Variants in UNC13B observed in about 807,000 individuals in gnomAD.
UNC13B encodes the protein unc-13 homolog B.
In UNC13B, 144 loss-of-function variants were observed where a neutral mutation model predicts 211.0. The observed-to-expected ratio is 0.68, with a 90% CI of 0.60 to 0.78. UNC13B has a LOEUF of 0.78. UNC13B is among the 30% of genes least tolerant of loss of function. The pLI is 0.00. For synonymous variants in UNC13B, 709 were observed against 725.8 expected (o/e 0.98, Z 0.37); for missense variants, 1,777 against 2,002.0 (o/e 0.89, Z 2.14).
chr9:35,402,302 G>A (rs1425798393), intron 37 of UNC13B, among the ~76,000 whole-genome samples: 1 of 138,092 alleles, frequency 7.2e-6, no homozygotes, highest in Non-Finnish European at 1.5e-5. Context: ...TTTTTTTTGA[G>A]ACGGAGTCTC....
intron 26 of UNC13B, among the ~76,000 whole-genome samples, chr9:35,393,425 A>G (rs1423184322): frequency 6.6e-6 from 1 of 152,124 alleles, no homozygotes; most frequent in African/African-American, 2.4e-5. Flanking sequence ...GAGAGCTGGC[A>G]TGCTTGGAGA....
chr9:35,295,743 C>T lies in UNC13B; in HGVS notation c.574C>T (p.Arg192Cys), dbSNP rs139333262. The T allele has an allele frequency of 8.1e-6, 13 of 1,614,154 alleles. No homozygotes were observed. The East Asian group carries it at 1.8e-4, about 22-fold the overall frequency. The stretch of plus-strand genomic sequence containing the variant: ...CGTCGATGACCGAGATAGTGACTAT[C>T]GCAGTGAGACCAGCAACAGCTTCCC... ...SAVDDRDSDY[R>C]SETSNSFPPP... The change falls in exon 8 of 40, where the codon CGC becomes TGC. Residue 192 changes from arginine (R) to cysteine (C), a missense_variant. Physicochemically the swap from Arg to Cys is radical, Grantham distance 180. Coordinates refer to ENST00000635942, the MANE Select transcript of UNC13B (RefSeq NM_001371189.2).
In UNC13B at chr9:35,381,553, C is replaced by A; in HGVS notation, c.10492-3C>A. On this transcript the variant is annotated splice_polypyrimidine_tract_variant and splice_region_variant and intron_variant, in intron 19 of 39. Transcript: ENST00000635942. ...TTCCCTTTCTCTGCTCTGTCTCCTG[C>A]AGAATCTTTTCCATTACCTCACAGA... 6.2e-7 allele frequency: 1 copy of A among 1,612,494 alleles called. No homozygotes were observed. Among genetic ancestry groups the A allele is most frequent in the South Asian group, 1.1e-5 (1 of 90,946 alleles).
At chr9:35,376,389 A>G (rs1016738651) in intron 15 of UNC13B, 142 bp downstream of exon 15, 1 of 867,350 alleles carries the variant, frequency 1.2e-6, no homozygotes, top group African/African-American at 1.7e-5. Context: ...CAGAGAAGGT[A>G]GGATTCTGAA....
intron 26 of UNC13B, among the ~76,000 whole-genome samples, chr9:35,392,464 C>A (rs1220001445): frequency 6.6e-6 from 1 of 151,992 alleles, no homozygotes; most frequent in African/African-American, 2.4e-5. Context: ...AACAGGACTT[C>A]GTGATTGTCA....
At chr9:35,376,332 A>G in intron 15 of UNC13B, 85 bp downstream of exon 15, 1 of 1,352,356 alleles carries the variant, frequency 7.4e-7, no homozygotes, top group Non-Finnish European at 1.0e-6. Flanking sequence ...GGGATGGCTG[A>G]ACCAATCATT....
At position 35,305,549 on chromosome 9, in the gene UNC13B, C is replaced by G. The variant is rs960620002; in HGVS notation, c.6145C>G (p.Gln2049Glu). The G allele has an allele frequency of 2.5e-6, 1 of 399,006 alleles. No individual in the cohort carries two copies. The highest frequency in any genetic ancestry group is 4.4e-6 in the Non-Finnish European group (1 of 226,020). 24.7% of individuals were successfully genotyped at this position (399,006 alleles called of 1,614,324 possible). The change falls in exon 9 of 40, where the codon CAG (glutamine) becomes GAG (glutamate). Residue 2049 changes from glutamine to glutamate, a missense_variant. Transcript: ENST00000635942. ...GGCTAGAGTTAGAAGACTGAACAAA[C>G]AGACTACTATCGATGACAGTAGGTT... ...GKARVRRLNK[Q>E]TTIDDSRLEE...
intron 11 of UNC13B, among the ~76,000 whole-genome samples, chr9:35,362,703 G>A (rs954689478): frequency 6.6e-6 from 1 of 151,906 alleles, no homozygotes; most frequent in African/African-American, 2.4e-5. Flanking sequence ...GGGAGGCTGA[G>A]GCAGGAGAAT....
intron 1 of UNC13B, among the ~76,000 whole-genome samples, chr9:35,218,275 G>A (rs6476479): frequency 0.15 from 22,035 of 151,880 alleles, 1,850 homozygotes; most frequent in Admixed American, 0.25. Flanking sequence ...AAGCAACATA[G>A]GATTGTAGTT....
At chr9:35,391,222 A>T (rs937642946) in intron 26 of UNC13B, among the ~76,000 whole-genome samples, 1 of 152,166 alleles carries the variant, frequency 6.6e-6, no homozygotes, top group African/African-American at 2.4e-5. Context: ...GCAAATTATT[A>T]TTCATCTTAC....
At chr9:35,218,063 C>A (rs1824358037) in intron 1 of UNC13B, among the ~76,000 whole-genome samples, 1 of 151,930 alleles carries the variant, frequency 6.6e-6, no homozygotes, top group Non-Finnish European at 1.5e-5. Flanking sequence ...AAATTATAAC[C>A]TGTAAGGGAG....
intron 7 of UNC13B, among the ~76,000 whole-genome samples, chr9:35,266,417 G>A (rs1473975835): frequency 6.6e-6 from 1 of 152,186 alleles, no homozygotes; most frequent in Non-Finnish European, 1.5e-5. Flanking sequence ...AAGAGTTACT[G>A]TGGCTGGAAG....
chr9:35,212,702 A>G (rs1008415831), intron 1 of UNC13B, among the ~76,000 whole-genome samples: 1 of 152,244 alleles, frequency 6.6e-6, no homozygotes, highest in Non-Finnish European at 1.5e-5. Context: ...TATAACAAAT[A>G]TCCCATTAAG....
At chr9:35,362,821 C>G (rs569342835) in intron 11 of UNC13B, among the ~76,000 whole-genome samples, 55 of 144,836 alleles carry the variant, frequency 3.8e-4, no homozygotes, top group Non-Finnish European at 6.9e-4. Flanking sequence ...AAAAAAAAAT[C>G]TGCATCTATT....
At chr9:35,345,395 AACTT>A (rs1448482950) in intron 11 of UNC13B, among the ~76,000 whole-genome samples, 1 of 152,148 alleles carries the variant, frequency 6.6e-6, no homozygotes, top group South Asian at 2.1e-4. Flanking sequence ...ATTTTGGCTA[AACTT>A]ACTTGACAGG....
At chr9:35,364,448 C>A in intron 11 of UNC13B, 1 of 1,355,426 alleles carries the variant, frequency 7.4e-7, no homozygotes, top group Non-Finnish European at 1.0e-6. Context: ...CTTCCATGTC[C>A]CTTGGAGTTT....
chr9:35,237,586 A>G (rs1013227463), intron 4 of UNC13B, 117 bp from the exon 5 acceptor site: 18 of 1,306,862 alleles, frequency 1.4e-5, no homozygotes, highest in Non-Finnish European at 1.6e-5. Context: ...TTGCCTTATC[A>G]GGATGTGAAT....
chr9:35,190,957 T>C (rs1822624022), intron 1 of UNC13B, among the ~76,000 whole-genome samples: 1 of 152,058 alleles, frequency 6.6e-6, no homozygotes, highest in African/African-American at 2.4e-5. Flanking sequence ...GTACAAGGTA[T>C]TTTCTTTTTT....
At chr9:35,197,180 T>C (rs1822991559) in intron 1 of UNC13B, among the ~76,000 whole-genome samples, 1 of 152,170 alleles carries the variant, frequency 6.6e-6, no homozygotes, top group African/African-American at 2.4e-5. Flanking sequence ...AGCAATATAG[T>C]GCTTTCTTAT....
Sources: allele counts gnomAD v4.1 joint callset (sites outside exome capture counted in the v4.1 genomes callset), GRCh38; gene constraint gnomAD v4.1.1; transcripts MANE v1.5; gene names NCBI Gene and HGNC (gene_info 2026-07-23, HGNC 2026-07-21).